RALYL: variants seen among roughly 807,000 people sequenced by gnomAD.
RALYL encodes RNA-binding Raly-like protein.
A neutral mutation model predicts 35.1 loss-of-function variants in RALYL; 29 were observed. The observed-to-expected ratio is 0.83, with a 90% CI of 0.61 to 1.13. The LOEUF is 1.13. Among genes scored for constraint, RALYL ranks in the 50% most tolerant of loss-of-function variants. The probability of loss-of-function intolerance (pLI) is 0.00; values close to 1 mark genes in which losing one functional copy is unlikely to be tolerated. For missense variants in RALYL, 359 were observed against 360.4 expected, an observed-to-expected ratio of 1.00 and a Z score of 0.03; for synonymous variants, 120 against 127.6, an observed-to-expected ratio of 0.94 and a Z score of 0.40.
chr8:84,522,492 G>T (rs895646300), intron 1 of RALYL, among the ~76,000 whole-genome samples: 1 of 151,744 alleles, frequency 6.6e-6, no homozygotes, highest in African/African-American at 2.4e-5. Context: ...CTCGTGATCC[G>T]CCCGCCTCGG....
At chr8:84,447,084 T>G (rs985754197) in intron 1 of RALYL, among the ~76,000 whole-genome samples, 2 of 152,090 alleles carry the variant, frequency 1.3e-5, no homozygotes, top group African/African-American at 4.8e-5. Context: ...CATTTTTTTG[T>G]CACAGGTCTG....
intron 1 of RALYL, among the ~76,000 whole-genome samples, chr8:84,291,389 C>T (rs925770554): frequency 6.6e-6 from 1 of 152,080 alleles, no homozygotes; most frequent in Non-Finnish European, 1.5e-5. Flanking sequence ...GACATTTGAT[C>T]TAGTTTTAAA....
chr8:84,577,523 A>T (rs983542282), intron 2 of RALYL, among the ~76,000 whole-genome samples: 3 of 152,238 alleles, frequency 2.0e-5, no homozygotes, highest in Non-Finnish European at 4.4e-5. Context: ...AAATTATCTT[A>T]ACATTCCAAA....
chr8:84,330,504 A>C (rs1341452813), intron 1 of RALYL, among the ~76,000 whole-genome samples: 1 of 152,178 alleles, frequency 6.6e-6, no homozygotes, highest in East Asian at 1.9e-4. Flanking sequence ...GAGGTGGCAA[A>C]ATGCTGTAGG....
intron 2 of RALYL, among the ~76,000 whole-genome samples, chr8:84,644,464 A>T (rs1364379354): frequency 6.6e-6 from 1 of 152,072 alleles, no homozygotes; most frequent in Non-Finnish European, 1.5e-5. Flanking sequence ...TTATTACAAG[A>T]CATAAGAAAT....
intron 1 of RALYL, among the ~76,000 whole-genome samples, chr8:84,463,070 A>G (rs1005735733): frequency 6.6e-6 from 1 of 151,982 alleles, no homozygotes; most frequent in African/African-American, 2.4e-5. Context: ...GTACTCTTAA[A>G]TGTCATTGAC....
chr8:84,399,386 G>T (rs966353727), intron 1 of RALYL, among the ~76,000 whole-genome samples: 1 of 152,120 alleles, frequency 6.6e-6, no homozygotes, highest in Non-Finnish European at 1.5e-5. Flanking sequence ...TGTCCTTAAA[G>T]ACTACCAATA....
intron 1 of RALYL, among the ~76,000 whole-genome samples, chr8:84,342,277 A>AT (rs1848942440): frequency 3.0e-5 from 2 of 66,112 alleles, no homozygotes; most frequent in Non-Finnish European, 5.8e-5. Flanking sequence ...AGCATCGTTC[A>AT]ATATATATAT....
intron 3 of RALYL, among the ~76,000 whole-genome samples, chr8:84,778,792 G>C (rs1337241564): frequency 2.0e-5 from 3 of 152,176 alleles, no homozygotes; most frequent in Non-Finnish European, 4.4e-5. Context: ...ATCGGAAATG[G>C]GGTGTGAGGA....
At chr8:84,553,577 T>C (rs917843195) in intron 2 of RALYL, among the ~76,000 whole-genome samples, 9 of 152,180 alleles carry the variant, frequency 5.9e-5, no homozygotes, top group Non-Finnish European at 1.3e-4. Context: ...ACGAGACATG[T>C]TTTGGGGACT....
intron 1 of RALYL, among the ~76,000 whole-genome samples, chr8:84,227,484 GAGAGAGAA>G (rs1824221168): frequency 6.6e-6 from 1 of 152,144 alleles, no homozygotes. Flanking sequence ...TAGTTTCATT[GAGAGAGAA>G]TTCAACAGGT....
intron 1 of RALYL, among the ~76,000 whole-genome samples, chr8:84,418,540 A>C (rs1231053184): frequency 6.6e-6 from 1 of 152,044 alleles, no homozygotes; most frequent in African/African-American, 2.4e-5. Flanking sequence ...TCCTTTCTTT[A>C]TTTAAGACAT....
intron 1 of RALYL, among the ~76,000 whole-genome samples, chr8:84,425,141 C>T (rs891184971): frequency 2.0e-5 from 3 of 152,194 alleles, no homozygotes; most frequent in East Asian, 3.9e-4. Flanking sequence ...GGACGCCCCT[C>T]CCCCAGCCTC....
chr8:84,812,712 A>C (rs1354697673), intron 4 of RALYL, among the ~76,000 whole-genome samples: 1 of 152,142 alleles, frequency 6.6e-6, no homozygotes, highest in Non-Finnish European at 1.5e-5. Flanking sequence ...TGGCAGTCAC[A>C]GGGCTTAACC....
chr8:84,734,987 T>C (rs559899733), intron 2 of RALYL, among the ~76,000 whole-genome samples: 2 of 145,624 alleles, frequency 1.4e-5, no homozygotes, highest in African/African-American at 5.2e-5. Context: ...CTGAATAAAA[T>C]GAAATATATA....
chr8:84,299,409 G>A lies in RALYL; in HGVS notation c.-24+114985G>A, dbSNP rs1445952973. On this transcript the variant is annotated intron_variant, in intron 1 of 8. Coordinates refer to ENST00000521268, the MANE Select transcript of RALYL (RefSeq NM_173848.7). ...AAATTTTTGCATCTTTGTATATAAA[G>A]GATATTGGCCTGAAGTTTTATTTTT... 2.6e-5 allele frequency among the ~76,000 whole-genome samples: 4 copies of A among 151,666 alleles called. No individual in the cohort carries two copies. In the East Asian group the frequency reaches 5.8e-4, roughly 22 times the overall value.
At chr8:84,660,893 A>G (rs1830775532) in intron 2 of RALYL, among the ~76,000 whole-genome samples, 1 of 151,876 alleles carries the variant, frequency 6.6e-6, no homozygotes, top group Non-Finnish European at 1.5e-5. Flanking sequence ...ATACATATAA[A>G]ATGTCTTACA....
chr8:84,661,876 A>G (rs1184320916), intron 2 of RALYL, among the ~76,000 whole-genome samples: 2 of 150,862 alleles, frequency 1.3e-5, no homozygotes, highest in Non-Finnish European at 2.9e-5. Flanking sequence ...AATTATGCAA[A>G]ACCCCTTTTC....
chr8:84,763,810 A>C (rs558255237), intron 2 of RALYL, among the ~76,000 whole-genome samples: 4 of 152,214 alleles, frequency 2.6e-5, no homozygotes, highest in Admixed American at 2.0e-4. Flanking sequence ...AAACTTGTTA[A>C]TTAACGGCAT....
Sources: gnomAD v4.1 joint callset for allele counts (sites outside exome capture counted in the v4.1 genomes callset) on GRCh38, gnomAD v4.1.1 for gene constraint, MANE v1.5 for transcripts, NCBI Gene and HGNC (gene_info 2026-07-23, HGNC 2026-07-21) for gene names.